STAT5A: variants seen among roughly 807,000 people sequenced by gnomAD.
STAT5A encodes the protein signal transducer and activator of transcription 5A.
In STAT5A, 26 loss-of-function variants were observed where a neutral mutation model predicts 100.2. That is an observed-to-expected ratio of 0.26 (90% CI 0.19 to 0.36). STAT5A has a LOEUF of 0.36. STAT5A is among the 10% of genes least tolerant of loss of function. The pLI is 1.00. For synonymous variants in STAT5A, 330 were observed against 424.3 expected, an observed-to-expected ratio of 0.78 and a Z score of 2.73; for missense variants, 634 against 1,027.5, an observed-to-expected ratio of 0.62 and a Z score of 5.24.
In STAT5A at chr17:42,309,196, C is replaced by G. The variant is rs889415388; in HGVS notation, c.2114+98C>G. 6 of 1,604,554 alleles carry G rather than the reference C, an allele frequency of 3.7e-6. No individual in the cohort carries two copies. In the Admixed American group the frequency reaches 1.0e-4, roughly 27 times the overall value. The stretch of plus-strand genomic sequence containing the variant: ...TCCTGGGCCCAGCTTTCCGCTCCCC[C>G]AGGGAACCTGTCTCAGCCCTGGGGA... On this transcript the variant is annotated intron_variant, in intron 17 of 18. Transcript: ENST00000590949.
intron 2 of STAT5A, 21 bp downstream of exon 2, chr17:42,289,560 C>A (rs764035227): frequency 6.8e-6 from 11 of 1,609,532 alleles, no homozygotes; most frequent in Middle Eastern, 1.7e-4. Context: ...CCCGCCCTGC[C>A]CCTCCTCAGA....
chr17:42,306,033 C>G (rs1210587091), intron 12 of STAT5A: 21 of 811,644 alleles, frequency 2.6e-5, no homozygotes, highest in Middle Eastern at 2.4e-4. Context: ...ATGCCCCCAC[C>G]CCCTGCATCG....
chr17:42,303,593 C>T (rs775944331), intron 9 of STAT5A, among the ~76,000 whole-genome samples: 5 of 152,010 alleles, frequency 3.3e-5, no homozygotes, highest in Non-Finnish European at 7.4e-5. Context: ...GCCTGTAGTC[C>T]CAGCTACTTG....
chr17:42,299,768 G>A lies in STAT5A; in HGVS notation c.568G>A (p.Ala190Thr), dbSNP rs2080957548. The A allele has an allele frequency of 3.1e-6, 5 of 1,614,176 alleles. No homozygotes were observed. Among genetic ancestry groups the A allele is most frequent in the East Asian group, 2.2e-5 (1 of 44,874 alleles). ...TCCTCTAGCTCAGTTTGCCCAGCTG[G>A]CCCAGCTGAGCCCCCAGGAGCGTCT... is the stretch of plus-strand genomic sequence containing the variant. ...LRIQAQFAQL[A>T]QLSPQERLSR... is the part of the protein sequence containing the mutation. The change falls in exon 6 of 19, where the codon GCC becomes ACC. Residue 190 changes from alanine (A) to threonine (T), a missense_variant. Physicochemically the swap from Ala to Thr is moderately conservative, Grantham distance 58. This residue lies in a region of STAT5A where 207 missense variants were observed against 256.6 expected (regional missense o/e 0.81). Coordinates refer to ENST00000590949, the MANE Select transcript of STAT5A (RefSeq NM_001288718.2).
intron 5 of STAT5A, among the ~76,000 whole-genome samples, chr17:42,298,566 G>C (rs967679820): frequency 6.6e-6 from 1 of 151,394 alleles, no homozygotes; most frequent in Non-Finnish European, 1.5e-5. Context: ...CCACCTTCTG[G>C]GTTCACGCCA....
rs1346442793 is a variant in STAT5A, at chr17:42,308,901, G to T, written c.2063-146G>T. ...CCTCAGGCAGGATTCATCAGCTGGT[G>T]TTTATTGGGGGTCCTTGGGAAATCT... On this transcript the variant is annotated intron_variant, in intron 16 of 18. Coordinates refer to ENST00000590949, the MANE Select transcript of STAT5A (RefSeq NM_001288718.2). The surrounding 1 kb of genome is among the most constrained non-coding windows in gnomAD (Gnocchi z 4.6). 6 of 996,374 alleles carry T rather than the reference G, an allele frequency of 6.0e-6. No homozygotes were observed. Among genetic ancestry groups the T allele is most frequent in the Non-Finnish European group, 7.7e-6 (5 of 646,766 alleles). 61.7% of individuals were successfully genotyped at this position (996,374 alleles called of 1,614,324 possible).
chr17:42,305,766 C>T (rs2081022640), intron 12 of STAT5A, 64 bp downstream of exon 12: 1 of 1,552,670 alleles, frequency 6.4e-7, no homozygotes, highest in African/African-American at 1.4e-5. Context: ...GGGGTCAGCC[C>T]CACCCCTTGG....
chr17:42,297,313 T>C (rs2080928280), intron 5 of STAT5A, among the ~76,000 whole-genome samples: 1 of 152,220 alleles, frequency 6.6e-6, no homozygotes, highest in South Asian at 2.1e-4. Flanking sequence ...GAAGGGCAGC[T>C]CCTTCTGAGA....
At position 42,289,453 on chromosome 17, in the gene STAT5A, G is replaced by C. The variant is rs1236441918; in HGVS notation, c.42G>C (p.Ala14=). ...AGGCCCAGCAGCTGCAGGGAGACGC[G>C]CTGCGCCAGATGCAGGTGCTGTACG... ...WIQAQQLQGD[A]LRQMQVLYGQ... The change falls in exon 2 of 19, where the codon GCG becomes GCC. Residue 14 remains alanine (A), a synonymous_variant. Coordinates refer to ENST00000590949, the MANE Select transcript of STAT5A (RefSeq NM_001288718.2). 5 of 1,612,800 alleles carry C rather than the reference G, an allele frequency of 3.1e-6. No individual in the cohort carries two copies. In the African/African-American group the frequency reaches 5.3e-5, roughly 17 times the overall value.
At chr17:42,289,262 C>T in intron 1 of STAT5A, 140 bp from the exon 2 acceptor site, 2 of 974,926 alleles carry the variant, frequency 2.1e-6, no homozygotes, top group Admixed American at 3.4e-5. Context: ...TCTCTGTTCC[C>T]GCACAGGAAA....
chr17:42,294,656 G>A (rs1358531854), intron 4 of STAT5A, among the ~76,000 whole-genome samples: 2 of 152,224 alleles, frequency 1.3e-5, no homozygotes, highest in Non-Finnish European at 2.9e-5. Flanking sequence ...GTTCCAGACT[G>A]TTGGAACAAT....
At chr17:42,309,839 A>C (rs1358489346) in intron 18 of STAT5A, among the ~76,000 whole-genome samples, 4 of 152,200 alleles carry the variant, frequency 2.6e-5, no homozygotes, top group African/African-American at 9.7e-5. Context: ...GGCTTGATAC[A>C]GGGTAGCTAT....
Position 42,289,970 on chromosome 17 carries a change from A to G in STAT5A, c.233A>G (p.Glu78Gly). ...AAGAAGGCGGAGCACCAGGTGGGGGAAGATGGGTTTTTACTGAAGATCAAG... is the reference window on the plus strand; with the variant it reads ...AAGAAGGCGGAGCACCAGGTGGGGGGAGATGGGTTTTTACTGAAGATCAAG... ...LQKKAEHQVG[E>G]DGFLLKIKLG... Residue 78 changes from glutamate (E) to glycine (G), a missense_variant, in exon 3 of 19, where the codon GAA (glutamate) becomes GGA (glycine). Transcript: ENST00000590949. The G allele has an allele frequency of 6.2e-7, 1 of 1,612,324 alleles. No homozygotes were observed. The highest frequency in any genetic ancestry group is 1.7e-4 in the Middle Eastern group (1 of 5,842).
At chr17:42,295,237 C>T (rs531742217) in intron 4 of STAT5A, among the ~76,000 whole-genome samples, 3 of 152,176 alleles carry the variant, frequency 2.0e-5, no homozygotes, top group East Asian at 1.9e-4. Flanking sequence ...AAATGTAGAG[C>T]GAGGGGTCAT....
At chr17:42,306,595 G>A in intron 13 of STAT5A, 148 bp downstream of exon 13, 1 of 1,239,232 alleles carries the variant, frequency 8.1e-7, no homozygotes, top group Non-Finnish European at 1.1e-6. Flanking sequence ...GGGGCCCCTA[G>A]CCTCAAGAAA....
At position 42,295,893 on chromosome 17, in the gene STAT5A, C is replaced by T. The variant is rs1417710168; in HGVS notation, c.550+100C>T. On this transcript the variant is annotated intron_variant, in intron 5 of 18. Coordinates refer to ENST00000590949, the MANE Select transcript of STAT5A (RefSeq NM_001288718.2). ...GCTGGGTCAGTGTCCATCTCCTCAG[C>T]ACTTTGCCCAAAGCCTGGTAGAAGC... 29 of 1,526,030 alleles carry T rather than the reference C, an allele frequency of 1.9e-5. 1 individual carries two copies. In the South Asian group the frequency reaches 3.4e-4, roughly 18 times the overall value. The allele number at this position is 1,526,030 out of a possible 1,614,324, so 94.5% of individuals were successfully genotyped here. A position where few individuals can be genotyped will look rare whatever the true frequency, so the allele number is the denominator to read the frequency against.
rs796585853 is a variant in STAT5A at position 42,308,115 on chromosome 17, G to C, written c.1907-63G>C. On this transcript the variant is annotated intron_variant, in intron 15 of 18. Coordinates refer to ENST00000590949, the MANE Select transcript of STAT5A (RefSeq NM_001288718.2). This position sits in a 1 kb window ranked among gnomAD's most constrained non-coding sequence, Gnocchi z 4.6. ...ATTTCTCTTGCAAGCCTGCCCTAAA[G>C]CCCCACAACCTTGGTCCTCCTGCTG... is the stretch of plus-strand genomic sequence containing the variant. 2 of 1,590,004 alleles carry C rather than the reference G, an allele frequency of 1.3e-6. No individual in the cohort carries two copies. Among genetic ancestry groups the C allele is most frequent in the East Asian group, 2.2e-5 (1 of 44,614 alleles).
intron 15 of STAT5A, 78 bp downstream of exon 15, chr17:42,307,801 C>A (rs1374882180): frequency 2.5e-6 from 4 of 1,571,032 alleles, no homozygotes; most frequent in South Asian, 2.4e-5. Flanking sequence ...CACCCTCCAT[C>A]GGGCCTGTGT....
Position 42,310,923 on chromosome 17 carries a change from G to A in STAT5A, c.*254G>A, listed in dbSNP as rs574037720. On this transcript the variant is annotated 3_prime_UTR_variant, in exon 19 of 19. Coordinates refer to ENST00000590949, the MANE Select transcript of STAT5A (RefSeq NM_001288718.2). ...CCGAGTCTGTCTCTGTCATGGTAGAGACCGAGCCTCTGTCACTGCAGGCAC... is the reference window on the plus strand; with the variant it reads ...CCGAGTCTGTCTCTGTCATGGTAGAAACCGAGCCTCTGTCACTGCAGGCAC... The A allele has an allele frequency of 2.5e-5, 14 of 566,994 alleles. No individual in the cohort carries two copies. The South Asian group carries it at 3.0e-4, about 12-fold the overall frequency. The allele number at this position is 566,994 out of a possible 1,614,324, so 35.1% of individuals were successfully genotyped here. A position where few individuals can be genotyped will look rare whatever the true frequency, so the allele number is the denominator to read the frequency against.
Sources: gnomAD v4.1 joint callset for allele counts (sites outside exome capture counted in the v4.1 genomes callset) on GRCh38, gnomAD v4.1.1 for gene constraint, gnomAD v4.1.1 regional missense constraint, Gnocchi (gnomAD v3.1) non-coding constraint, MANE v1.5 for transcripts, NCBI Gene and HGNC (gene_info 2026-07-23, HGNC 2026-07-21) for gene names.